DLC1: variants seen among roughly 807,000 people sequenced by gnomAD.
DLC1 encodes the protein DLC1 Rho GTPase activating protein, also known as rho GTPase-activating protein 7.
In DLC1, 54 loss-of-function variants were observed where a neutral mutation model predicts 140.3. That is an observed-to-expected ratio of 0.38 (90% CI 0.31 to 0.48). The LOEUF (loss-of-function observed/expected upper bound fraction) is 0.48, where lower values mean the gene tolerates loss of function less well. Ranked by LOEUF, DLC1 falls within the 20% of genes least tolerant of loss-of-function variation. The pLI is 0.96. For missense variants in DLC1, 2,536 were observed against 1,907.0 expected (o/e 1.33, Z -6.14); for synonymous variants, 986 against 728.1 (o/e 1.35, Z -5.70).
chr8:13,189,594 G>T (rs1328518201), intron 5 of DLC1, among the ~76,000 whole-genome samples: 2 of 151,246 alleles, frequency 1.3e-5, no homozygotes, highest in Admixed American at 6.6e-5. Context: ...AGAAAAGAAG[G>T]CACTCTGGCA....
chr8:13,587,595 T>C (rs969339121), intron 1 of DLC1, among the ~76,000 whole-genome samples: 12 of 83,910 alleles, frequency 1.4e-4, no homozygotes, highest in South Asian at 5.4e-4. Flanking sequence ...TATATATATA[T>C]ACATTGCATA....
At chr8:13,485,279 C>G (rs1800916103) in intron 2 of DLC1, among the ~76,000 whole-genome samples, 1 of 152,170 alleles carries the variant, frequency 6.6e-6, no homozygotes, top group Non-Finnish European at 1.5e-5. Context: ...TCTTTGTTAG[C>G]CACAATACTT....
At chr8:13,163,365 C>T (rs1824864247) in intron 5 of DLC1, among the ~76,000 whole-genome samples, 1 of 152,046 alleles carries the variant, frequency 6.6e-6, no homozygotes, top group Non-Finnish European at 1.5e-5. Flanking sequence ...AGTGCAAGAC[C>T]TTCTGGAAAG....
At position 13,133,025 on chromosome 8, in the gene DLC1, C is replaced by T. The variant is rs759527297; in HGVS notation, c.1349-17368G>A. 5 of 1,592,846 alleles carry T rather than the reference C, an allele frequency of 3.1e-6. No homozygotes were observed. The South Asian group carries it at 5.7e-5, about 18-fold the overall frequency. ...CGGAAGCGCTGTGGGGAAGTCGAGG[C>T]AGGCGGAGGCGGCTCGGCTTCCGCG... is the stretch of plus-strand genomic sequence containing the variant. On this transcript the variant is annotated intron_variant, in intron 5 of 17. Coordinates refer to ENST00000276297, the MANE Select transcript of DLC1 (RefSeq NM_182643.3).
chr8:13,251,374 T>C (rs1829997016), intron 5 of DLC1, among the ~76,000 whole-genome samples: 1 of 152,206 alleles, frequency 6.6e-6, no homozygotes, highest in Non-Finnish European at 1.5e-5. Flanking sequence ...TTGCTGCTGA[T>C]TATTGGCAAT....
chr8:13,160,712 G>C (rs763748752), intron 5 of DLC1, among the ~76,000 whole-genome samples: 2 of 152,172 alleles, frequency 1.3e-5, no homozygotes, highest in Non-Finnish European at 2.9e-5. Flanking sequence ...GGACGGCAGG[G>C]AGCAGGTAAT....
At chr8:13,119,131 A>T (rs1003402661) in intron 5 of DLC1, among the ~76,000 whole-genome samples, 1 of 151,558 alleles carries the variant, frequency 6.6e-6, no homozygotes, top group African/African-American at 2.4e-5. Context: ...TGAGGGGCTG[A>T]AGTGGAAGGA....
intron 5 of DLC1, among the ~76,000 whole-genome samples, chr8:13,226,363 G>T (rs1423494009): frequency 6.6e-6 from 1 of 152,178 alleles, no homozygotes; most frequent in African/African-American, 2.4e-5. Flanking sequence ...AAGTAGTGCT[G>T]CATACATGAT....
intron 4 of DLC1, among the ~76,000 whole-genome samples, chr8:13,343,258 G>C (rs939547447): frequency 1.3e-5 from 2 of 152,144 alleles, no homozygotes; most frequent in Non-Finnish European, 2.9e-5. Flanking sequence ...GTTGTTTGCA[G>C]CCTTAAGTGT....
At chr8:13,317,862 G>C (rs763418458) in intron 4 of DLC1, among the ~76,000 whole-genome samples, 2 of 152,170 alleles carry the variant, frequency 1.3e-5, no homozygotes, top group African/African-American at 2.4e-5. Flanking sequence ...AAAGTGGCCA[G>C]TATTTTGTGA....
rs1321856781 is a variant in DLC1 at position 13,099,468 on chromosome 8, C to T, written c.2869G>A (p.Asp957Asn). Residue 957 changes from aspartate to asparagine, a missense_variant, in exon 9 of 18, where the codon GAC becomes AAC. Transcript: ENST00000276297. The stretch of plus-strand genomic sequence containing the variant: ...TCCAGGTCGCTGGGTGTGGTTCGGT[C>T]GTTGTCCACATCCAGGTGTATCTGT... ...PKQIHLDVDNDRTTPSDLDST... is the reference protein window; with the variant it reads ...PKQIHLDVDNNRTTPSDLDST... The T allele has an allele frequency of 1.9e-6, 3 of 1,613,966 alleles. No homozygotes were observed. In the Admixed American group the frequency reaches 5.0e-5, roughly 27 times the overall value.
In DLC1 at chr8:13,233,293, T is replaced by TAAAAAAAAAA. The variant is rs71207134; in HGVS notation, c.1348+71966_1348+71975dup. Among the ~76,000 whole-genome samples the TAAAAAAAAAA allele has an allele frequency of 6.4e-4, 45 of 70,400 alleles. 1 individual carries two copies. The highest frequency in any genetic ancestry group is 2.1e-3 in the African/African-American group (37 of 17,318). The allele number at this position is 70,400 out of a possible 152,430, so 46.2% of individuals were successfully genotyped here. On this transcript the variant is annotated intron_variant, in intron 5 of 17. Transcript: ENST00000276297. ...CTGGGCGATAGAATAAGACTCTGTA[T>TAAAAAAAAAA]AAAAAAAAAAAAAAAAAAAAAAAAA...
At chr8:13,474,632 C>T (rs1052858325) in intron 2 of DLC1, among the ~76,000 whole-genome samples, 2 of 152,266 alleles carry the variant, frequency 1.3e-5, no homozygotes, top group Non-Finnish European at 2.9e-5. Flanking sequence ...GCCACATGGG[C>T]GGAGCCACAC....
At chr8:13,306,555 TGTTTG>T (rs1832436953) in intron 4 of DLC1, among the ~76,000 whole-genome samples, 2 of 137,540 alleles carry the variant, frequency 1.5e-5, no homozygotes, top group Non-Finnish European at 3.2e-5. Flanking sequence ...TGTGTGTGTG[TGTTTG>T]TGTGTGTGTG....
chr8:13,441,624 A>G (rs973595011), intron 2 of DLC1, among the ~76,000 whole-genome samples: 1 of 152,134 alleles, frequency 6.6e-6, no homozygotes, highest in African/African-American at 2.4e-5. Context: ...TTCAAAGGGA[A>G]TAAAATACCT....
At position 13,429,121 on chromosome 8, in the gene DLC1, T is replaced by C. The variant is rs567568049; in HGVS notation, c.1024-27502A>G. Reference sequence around the variant, plus strand: ...ATACAATTATAAGATAAAATCTACATTCCTCAATGGCGTTTAAGGTGTGGT... The same window carrying C: ...ATACAATTATAAGATAAAATCTACACTCCTCAATGGCGTTTAAGGTGTGGT... On this transcript the variant is annotated intron_variant, in intron 2 of 17. Coordinates refer to ENST00000276297, the MANE Select transcript of DLC1 (RefSeq NM_182643.3). Among the ~76,000 whole-genome samples, 28 of 152,328 alleles carry C rather than the reference T, an allele frequency of 1.8e-4. No individual in the cohort carries two copies. In the South Asian group the frequency reaches 5.4e-3, roughly 29 times the overall value.
intron 4 of DLC1, among the ~76,000 whole-genome samples, chr8:13,337,025 A>G (rs1833836819): frequency 6.6e-6 from 1 of 152,206 alleles, no homozygotes; most frequent in Admixed American, 6.5e-5. Context: ...GTCAAAGGCA[A>G]AAGGAAAAGT....
intron 5 of DLC1, among the ~76,000 whole-genome samples, chr8:13,258,319 A>G (rs1245243608): frequency 6.6e-6 from 1 of 152,254 alleles, no homozygotes; most frequent in Non-Finnish European, 1.5e-5. Context: ...TAATAGATCA[A>G]CAGAATACAG....
intron 4 of DLC1, among the ~76,000 whole-genome samples, chr8:13,311,021 A>G (rs1832646333): frequency 6.6e-6 from 1 of 152,214 alleles, no homozygotes; most frequent in African/African-American, 2.4e-5. Flanking sequence ...ATAGACATGC[A>G]TACATTTATG....
Sources: allele counts gnomAD v4.1 joint callset (sites outside exome capture counted in the v4.1 genomes callset), GRCh38; gene constraint gnomAD v4.1.1; transcripts MANE v1.5; gene names NCBI Gene and HGNC (gene_info 2026-07-23, HGNC 2026-07-21).